Variants in ME3 observed in about 807,000 individuals in gnomAD.
ME3 encodes the protein malic enzyme 3, also known as NADP-dependent malic enzyme, mitochondrial.
In ME3, 48 loss-of-function variants were observed where a neutral mutation model predicts 68.9. That is an observed-to-expected ratio of 0.70 (90% CI 0.55 to 0.89). The LOEUF (loss-of-function observed/expected upper bound fraction) is 0.89. Ranked by LOEUF, ME3 falls within the 40% of genes least tolerant of loss-of-function variation. ME3 has a pLI of 0.00. For missense variants in ME3, 675 were observed against 797.4 expected, an observed-to-expected ratio of 0.85 and a Z score of 1.85; for synonymous variants, 320 against 318.8, an observed-to-expected ratio of 1.00 and a Z score of -0.04.
chr11:86,551,610 A>G (rs760409548), intron 4 of ME3, among the ~76,000 whole-genome samples: 3 of 152,240 alleles, frequency 2.0e-5, no homozygotes, highest in Non-Finnish European at 4.4e-5. Flanking sequence ...CAGTGAAATA[A>G]TAAGCACCTC....
intron 4 of ME3, among the ~76,000 whole-genome samples, chr11:86,513,366 T>G (rs922720277): frequency 2.0e-5 from 3 of 152,208 alleles, no homozygotes; most frequent in African/African-American, 7.2e-5. Flanking sequence ...TTGCCTAAAC[T>G]GCGGCTAGCT....
At chr11:86,582,938 G>A (rs1958526238) in intron 2 of ME3, among the ~76,000 whole-genome samples, 1 of 151,740 alleles carries the variant, frequency 6.6e-6, no homozygotes, top group Non-Finnish European at 1.5e-5. Flanking sequence ...CAGAACAGAA[G>A]CTTCAAGTTA....
chr11:86,462,152 T>C (rs1352683597), intron 8 of ME3, among the ~76,000 whole-genome samples: 1 of 152,222 alleles, frequency 6.6e-6, no homozygotes, highest in African/African-American at 2.4e-5. Flanking sequence ...AGTCAATCCT[T>C]GAACAACATG....
At chr11:86,441,229 G>A (rs1350049921) in exon 15 of ME3, 1 of 1,424,670 alleles carries the variant, frequency 7.0e-7, no homozygotes, top group African/African-American at 1.4e-5. Context: ...TTTATATTGT[G>A]GGTGTTACTC....
At chr11:86,622,143 G>A (rs1321381206) in intron 2 of ME3, among the ~76,000 whole-genome samples, 1 of 151,990 alleles carries the variant, frequency 6.6e-6, no homozygotes, top group Non-Finnish European at 1.5e-5. Flanking sequence ...GTGGAAGGAT[G>A]CGTTCCAGAT....
chr11:86,451,447 C>T (rs969630912), intron 8 of ME3, among the ~76,000 whole-genome samples: 2 of 152,158 alleles, frequency 1.3e-5, no homozygotes, highest in African/African-American at 2.4e-5. Context: ...CTTTAGTCAC[C>T]CAGGGTTTGC....
At chr11:86,483,992 A>C (rs1388921295) in intron 7 of ME3, among the ~76,000 whole-genome samples, 1 of 152,194 alleles carries the variant, frequency 6.6e-6, no homozygotes, top group African/African-American at 2.4e-5. Flanking sequence ...TGGGGCAATC[A>C]GTCCTTGCCA....
intron 7 of ME3, among the ~76,000 whole-genome samples, chr11:86,465,419 C>A (rs1950429080): frequency 6.6e-6 from 1 of 152,062 alleles, no homozygotes; most frequent in Non-Finnish European, 1.5e-5. Context: ...GAGAGTAGGA[C>A]CCTGGCTTTG....
intron 2 of ME3, among the ~76,000 whole-genome samples, chr11:86,642,699 GTC>G (rs1281078670): frequency 6.6e-6 from 1 of 152,058 alleles, no homozygotes. Flanking sequence ...GCAAGACCCT[GTC>G]TTATAAAATA....
At chr11:86,501,561 G>A (rs1028484435) in intron 5 of ME3, among the ~76,000 whole-genome samples, 3 of 152,178 alleles carry the variant, frequency 2.0e-5, no homozygotes, top group Non-Finnish European at 4.4e-5. Context: ...GATGACACCT[G>A]TAGATAACTG....
At chr11:86,479,381 T>C (rs966946515) in intron 7 of ME3, among the ~76,000 whole-genome samples, 2 of 152,212 alleles carry the variant, frequency 1.3e-5, no homozygotes, top group Admixed American at 1.3e-4. Flanking sequence ...AAATCCACTC[T>C]CAAGTATCTA....
At chr11:86,667,916 C>A (rs949335211) in intron 2 of ME3, 1 of 152,150 alleles carries the variant, frequency 6.6e-6, no homozygotes, top group African/African-American at 2.4e-5. Context: ...CAAAGATTTA[C>A]TCTGTTGCCA....
intron 2 of ME3, among the ~76,000 whole-genome samples, chr11:86,623,697 G>A (rs184043037): frequency 6.6e-6 from 1 of 152,316 alleles, no homozygotes; most frequent in East Asian, 1.9e-4. Context: ...AAATAGCAAT[G>A]TTATAGAAAT....
intron 2 of ME3, among the ~76,000 whole-genome samples, chr11:86,592,004 G>C (rs1046725238): frequency 6.6e-6 from 1 of 152,100 alleles, no homozygotes; most frequent in Non-Finnish European, 1.5e-5. Context: ...TTTTGTTATG[G>C]GAGCCTGAGC....
intron 7 of ME3, among the ~76,000 whole-genome samples, chr11:86,465,735 A>G (rs2138738851): frequency 6.6e-6 from 1 of 152,314 alleles, no homozygotes; most frequent in South Asian, 2.1e-4. Context: ...GGTAAGATGA[A>G]AGGATGGTTA....
intron 2 of ME3, among the ~76,000 whole-genome samples, chr11:86,635,290 C>G (rs1362806745): frequency 2.0e-5 from 3 of 152,212 alleles, no homozygotes; most frequent in Non-Finnish European, 2.9e-5. Flanking sequence ...CTCTCTCCAC[C>G]TGCATACACT....
chr11:86,575,866 C>T (rs1217099227), intron 2 of ME3, among the ~76,000 whole-genome samples: 1 of 152,146 alleles, frequency 6.6e-6, no homozygotes, highest in Non-Finnish European at 1.5e-5. Flanking sequence ...CTGTGAGTCC[C>T]ACTTTATCAA....
At chr11:86,579,363 G>A (rs1031124039) in intron 2 of ME3, among the ~76,000 whole-genome samples, 7 of 152,152 alleles carry the variant, frequency 4.6e-5, no homozygotes, top group Admixed American at 2.6e-4. Context: ...TCAGGCCTTG[G>A]AGTTGGTGTT....
At chr11:86,567,243 A>AAAGGAAGG (rs149764846) in intron 2 of ME3, among the ~76,000 whole-genome samples, 17,169 of 144,402 alleles carry the variant, frequency 0.12, 1,207 homozygotes, top group African/African-American at 0.15. Context: ...GAAAAGAAAG[A>AAAGGAAGG]AAGGAAGGAA....
Sources: gnomAD v4.1 joint callset for allele counts (sites outside exome capture counted in the v4.1 genomes callset) on GRCh38, gnomAD v4.1.1 for gene constraint, MANE v1.5 for transcripts, NCBI Gene and HGNC (gene_info 2026-07-23, HGNC 2026-07-21) for gene names.